Variants in CFAP65 observed in about 807,000 individuals in gnomAD.
CFAP65 encodes the protein cilia- and flagella-associated protein 65.
In CFAP65, 155 loss-of-function variants were observed where a neutral mutation model predicts 208.0. That is an observed-to-expected ratio of 0.75 (90% CI 0.65 to 0.85). CFAP65 has a LOEUF of 0.85. Ranked by LOEUF, CFAP65 falls within the 40% of genes least tolerant of loss-of-function variation. CFAP65 has a pLI of 0.00. For missense variants in CFAP65, 2,294 were observed against 2,451.3 expected (o/e 0.94, Z 1.36); for synonymous variants, 970 against 986.3 (o/e 0.98, Z 0.31).
chr2:219,010,799 G>A lies in CFAP65; in HGVS notation c.4149+6C>T. On this transcript the variant is annotated splice_donor_region_variant and intron_variant, in intron 25 of 34. Coordinates refer to ENST00000341552, the MANE Select transcript of CFAP65 (RefSeq NM_194302.4). ...CACCTCCCACGTCATCCAGGTTGCT[G>A]CTCACCGTGTAGGTCTTGGCCTCGA... 1.9e-6 allele frequency: 3 copies of A among 1,598,262 alleles called. No individual in the cohort carries two copies. Among genetic ancestry groups the A allele is most frequent in the African/African-American group, 2.7e-5 (2 of 74,802 alleles).
rs760655265 is a variant in CFAP65 at position 219,028,313 on chromosome 2, C to A, written c.1739G>T (p.Arg580Leu). 5.6e-6 allele frequency: 9 copies of A among 1,613,914 alleles called. No homozygotes were observed. Among genetic ancestry groups the A allele is most frequent in the African/African-American group, 2.7e-5 (2 of 74,874 alleles). The change falls in exon 12 of 35, where the codon CGC becomes CTC. Residue 580 changes from arginine to leucine, a missense_variant. Physicochemically the swap from Arg to Leu is moderately radical, Grantham distance 102 (BLOSUM62 -2). Coordinates refer to ENST00000341552, the MANE Select transcript of CFAP65 (RefSeq NM_194302.4). ...CGTCAGGCCCCGGGCCAGGTGTGTG[C>A]GGTACCAGGTGAGGTGCTGAGGCTT... ...ILKPQHLTWY[R>L]THLARGLTLY...
At position 219,023,266 on chromosome 2, in the gene CFAP65, G is replaced by A; in HGVS notation, c.2761C>T (p.His921Tyr). ...LQFEWRVSEQ[H>Y]RKLLAVQPSR... The stretch of plus-strand genomic sequence containing the variant: ...GGCTGGACAGCCAGCAGCTTTCGAT[G>A]CTGCTCAGAGACCCTCCACTCGAAC... Residue 921 changes from histidine to tyrosine, a missense_variant, in exon 16 of 35, where the codon CAT becomes TAT. Transcript: ENST00000341552. The A allele has an allele frequency of 6.2e-7, 1 of 1,613,138 alleles. No individual in the cohort carries two copies. The highest frequency in any genetic ancestry group is 8.5e-7 in the Non-Finnish European group (1 of 1,179,938).
intron 4 of CFAP65, among the ~76,000 whole-genome samples, chr2:219,037,440 G>T (rs1948432835): frequency 6.6e-6 from 1 of 152,176 alleles, no homozygotes. Context: ...GAAATTTACT[G>T]CATAACCATG....
At chr2:219,017,269 T>C (rs1182438390) in intron 21 of CFAP65, among the ~76,000 whole-genome samples, 1 of 152,154 alleles carries the variant, frequency 6.6e-6, no homozygotes, top group Non-Finnish European at 1.5e-5. Context: ...TCCCCTTAAA[T>C]GCAAGACCCT....
chr2:219,017,618 T>TG (rs1946990398), intron 21 of CFAP65, among the ~76,000 whole-genome samples: 1 of 152,258 alleles, frequency 6.6e-6, no homozygotes. Flanking sequence ...TCCTGATGGA[T>TG]GGGCCCGGCT....
chr2:219,032,767 C>G lies in CFAP65; in HGVS notation c.543-195G>C, dbSNP rs929735512. On this transcript the variant is annotated intron_variant, in intron 5 of 34. Coordinates refer to ENST00000341552, the MANE Select transcript of CFAP65 (RefSeq NM_194302.4). The surrounding 1 kb of genome is among the most constrained non-coding windows in gnomAD (Gnocchi z 5.5). Reference sequence around the variant, plus strand: ...GAGGACCCACCCTCCTCCTCCCCCTCCTATTCTCAGAGATCTTCACTCTGA... The same window carrying G: ...GAGGACCCACCCTCCTCCTCCCCCTGCTATTCTCAGAGATCTTCACTCTGA... Among the ~76,000 whole-genome samples, 1 of 151,590 alleles carries G rather than the reference C, an allele frequency of 6.6e-6. No individual in the cohort carries two copies. The highest frequency in any genetic ancestry group is 6.6e-5 in the Admixed American group (1 of 15,232).
In CFAP65 at chr2:219,035,586, CA is replaced by C; in HGVS notation, c.435del (p.Ile145MetfsTer14). 8.1e-6 allele frequency: 13 copies of C among 1,614,104 alleles called. No homozygotes were observed. The highest frequency in any genetic ancestry group is 1.1e-5 in the Non-Finnish European group (13 of 1,180,024). On this transcript the variant is annotated frameshift_variant, in exon 5 of 35. Coordinates refer to ENST00000341552, the MANE Select transcript of CFAP65 (RefSeq NM_194302.4). LOFTEE classifies it high-confidence loss of function. ...TTCCAATGCAGCTCCTCAGCCACCT[CA>C]ATGCCCCAGATGACCCTCTTGTTCA... is the stretch of plus-strand genomic sequence containing the variant. ...ERVNKRVIWG[I>X]EVAEELHWKG...
Position 219,017,450 on chromosome 2 carries a change from C to T in CFAP65, c.3602+1601G>A, listed in dbSNP as rs1244067003. On this transcript the variant is annotated intron_variant, in intron 21 of 34. Transcript: ENST00000341552. Reference sequence around the variant, plus strand: ...AGGCCTTGGCAGGAATAAAACCCTCCGTCTGTTCTTTATGAGCTCAGAAGA... The same window carrying T: ...AGGCCTTGGCAGGAATAAAACCCTCTGTCTGTTCTTTATGAGCTCAGAAGA... 4.6e-5 allele frequency among the ~76,000 whole-genome samples: 7 copies of T among 152,330 alleles called. No individual in the cohort carries two copies. In the East Asian group the frequency reaches 5.8e-4, roughly 13 times the overall value.
rs58852567 is a variant in CFAP65, at chr2:219,006,307, A to AT, written c.4720-85_4720-84insA. The AT allele has an allele frequency of 3.7e-3, 5,630 of 1,505,840 alleles. 190 individuals carry two copies. The African/African-American group carries it at 0.068, about 18-fold the overall frequency. 93.3% of individuals were successfully genotyped at this position (1,505,840 alleles called of 1,614,324 possible). On this transcript the variant is annotated intron_variant, in intron 30 of 34. Coordinates refer to ENST00000341552, the MANE Select transcript of CFAP65 (RefSeq NM_194302.4). ...TGGGGTCCCTTGACCTAGTTCCCCCACAGGCTCTTTGGGCCACATAAGCGT... is the reference window on the plus strand; with the variant it reads ...TGGGGTCCCTTGACCTAGTTCCCCCATCAGGCTCTTTGGGCCACATAAGCGT...
rs1473737485 is a variant in CFAP65 at position 219,003,334 on chromosome 2, C to G, written c.5556-62G>C. 6.8e-7 allele frequency: 1 copy of G among 1,470,074 alleles called. No individual in the cohort carries two copies. The highest frequency in any genetic ancestry group is 1.4e-5 in the African/African-American group (1 of 70,612). The allele number at this position is 1,470,074 out of a possible 1,614,324, so 91.1% of individuals were successfully genotyped here. On this transcript the variant is annotated intron_variant, in intron 33 of 34. Coordinates refer to ENST00000341552, the MANE Select transcript of CFAP65 (RefSeq NM_194302.4). The surrounding 1 kb of genome is among the most constrained non-coding windows in gnomAD (Gnocchi z 4.4). ...AGTGCCCGCGCGCCTCCTCGCTCGC[C>G]TGTCCGTGCGGTACATTGTGCCGCG...
intron 9 of CFAP65, 84 bp downstream of exon 9, chr2:219,030,605 G>T (rs764022348): frequency 5.0e-5 from 76 of 1,533,136 alleles, no homozygotes; most frequent in Middle Eastern, 3.8e-4. Flanking sequence ...GGAGAGAAAG[G>T]GGGGGCATTC....
chr2:219,016,861 G>A (rs989484264), intron 21 of CFAP65, among the ~76,000 whole-genome samples: 6 of 152,240 alleles, frequency 3.9e-5, no homozygotes, highest in African/African-American at 1.4e-4. Context: ...CAAAGGCCCT[G>A]TATGTCCTGG....
chr2:219,003,267 G>A lies in CFAP65; in HGVS notation c.5561C>T (p.Pro1854Leu), dbSNP rs1238077044. 5 of 1,536,226 alleles carry A rather than the reference G, an allele frequency of 3.3e-6. No homozygotes were observed. Among genetic ancestry groups the A allele is most frequent in the South Asian group, 2.4e-5 (2 of 82,236 alleles). Residue 1854 changes from proline to leucine, a missense_variant, in exon 34 of 35, where the codon CCG becomes CTG. Physicochemically the swap from Pro to Leu is moderately conservative, Grantham distance 98. Around this residue, in one of 2 missense-constraint regions of CFAP65, gnomAD observed 1,427 missense variants for 1,438.7 expected, o/e 0.99. Coordinates refer to ENST00000341552, the MANE Select transcript of CFAP65 (RefSeq NM_194302.4). The surrounding 1 kb of genome is among the most constrained non-coding windows in gnomAD (Gnocchi z 4.4). ...CGCCTCCTGCAGGTTGGCGAAGGCC[G>A]GGAGCCTGCGAGGGGGCGGGGGCTA... ...QDEKEAIRRLPAFANLQEALL... is the reference protein window; with the variant it reads ...QDEKEAIRRLLAFANLQEALL...
chr2:219,011,887 C>T (rs1238166664), intron 24 of CFAP65, among the ~76,000 whole-genome samples: 1 of 152,208 alleles, frequency 6.6e-6, no homozygotes, highest in African/African-American at 2.4e-5. Flanking sequence ...CCACAAAATC[C>T]ATATGTTGAA....
At chr2:219,007,967 C>T (rs368537754) in intron 29 of CFAP65, among the ~76,000 whole-genome samples, 4 of 151,868 alleles carry the variant, frequency 2.6e-5, no homozygotes, top group Non-Finnish European at 4.4e-5. Flanking sequence ...TACAGGAACC[C>T]GCCATCATGG....
At position 219,038,912 on chromosome 2, in the gene CFAP65, C is replaced by A. The variant is rs1046983249; in HGVS notation, c.137G>T (p.Ser46Ile). 6.2e-7 allele frequency: 1 copy of A among 1,610,352 alleles called. No individual in the cohort carries two copies. The highest frequency in any genetic ancestry group is 1.7e-5 in the Admixed American group (1 of 59,442). Residue 46 changes from serine to isoleucine, a missense_variant, in exon 3 of 35, where the codon AGT becomes ATT. Physicochemically the swap from Ser to Ile is moderately radical, Grantham distance 142. This residue lies in a region of CFAP65 where 867 missense variants were observed against 1,012.6 expected (regional missense o/e 0.86). Transcript: ENST00000341552. ...GKSVQKKQAE[S>I]KSQIKLHTQS... ...GTGCATTACCTTTATCTGGCTTTTA[C>A]TCTCTGCTTGTTTCTTCTGAACACT...
chr2:219,023,836 G>A (rs568111026), intron 15 of CFAP65, among the ~76,000 whole-genome samples, 179 bp downstream of exon 15: 1 of 152,222 alleles, frequency 6.6e-6, no homozygotes, highest in Non-Finnish European at 1.5e-5. Flanking sequence ...GGCCCTGAGG[G>A]GTGGGAGAGT....
intron 14 of CFAP65, among the ~76,000 whole-genome samples, chr2:219,024,564 A>C (rs1467723311): frequency 6.6e-6 from 1 of 151,250 alleles, no homozygotes. Flanking sequence ...AAGTTGTTTC[A>C]TTTTAGGGTG....
chr2:219,013,452 G>A, intron 23 of CFAP65, 67 bp downstream of exon 23: 3 of 1,547,802 alleles, frequency 1.9e-6, no homozygotes, highest in Non-Finnish European at 2.6e-6. Context: ...ACAGCTCCCT[G>A]CTCCTGTCCA....
Sources: gnomAD v4.1 joint callset for allele counts (sites outside exome capture counted in the v4.1 genomes callset) on GRCh38, gnomAD v4.1.1 for gene constraint, gnomAD v4.1.1 regional missense constraint, Gnocchi (gnomAD v3.1) non-coding constraint, MANE v1.5 for transcripts, NCBI Gene and HGNC (gene_info 2026-07-23, HGNC 2026-07-21) for gene names.